The following IL1RAPL1 variants were observed in gnomAD, a reference collection of about 807,000 sequenced individuals.
The protein encoded by IL1RAPL1 is interleukin 1 receptor accessory protein like 1.
Under a neutral mutation model 48.4 loss-of-function variants are expected in IL1RAPL1, and 3 were observed. The ratio of observed to expected loss-of-function variants is 0.06; its 90% CI spans 0.03 to 0.16. The LOEUF (loss-of-function observed/expected upper bound fraction) is 0.16. IL1RAPL1 is among the 10% of genes least tolerant of loss of function. IL1RAPL1 has a pLI of 1.00. For synonymous variants in IL1RAPL1, 185 were observed against 187.7 expected, an observed-to-expected ratio of 0.99 and a Z score of 0.12; for missense variants, 349 against 530.6, an observed-to-expected ratio of 0.66 and a Z score of 3.36.
intron 5 of IL1RAPL1, among the ~76,000 whole-genome samples, chrX:29,610,000 G>C (rs1924038168): frequency 9.0e-6 from 1 of 111,422 alleles, no homozygotes; most frequent in Non-Finnish European, 1.9e-5. Flanking sequence ...GATTGGCAGA[G>C]CTTCAACCAC....
At chrX:29,484,004 T>TAA (rs144243686) in intron 5 of IL1RAPL1, among the ~76,000 whole-genome samples, 28 of 91,982 alleles carry the variant, frequency 3.0e-4, no homozygotes, top group African/African-American at 4.9e-4. Context: ...AGTAGTCCAT[T>TAA]AAAAAAAAAA....
chrX:29,924,257 T>C (rs1932868598), intron 8 of IL1RAPL1, among the ~76,000 whole-genome samples: 1 of 112,182 alleles, frequency 8.9e-6, no homozygotes, highest in Non-Finnish European at 1.9e-5. Flanking sequence ...GATGCAGCAA[T>C]TGTGTGTTCC....
intron 2 of IL1RAPL1, among the ~76,000 whole-genome samples, chrX:28,811,100 T>A (rs1383860081): frequency 9.0e-6 from 1 of 110,655 alleles, no homozygotes; most frequent in Non-Finnish European, 1.9e-5. Flanking sequence ...ACTATCCAAT[T>A]AAGTGTATCA....
At chrX:28,916,843 C>G (rs1172555745) in intron 2 of IL1RAPL1, among the ~76,000 whole-genome samples, 1 of 112,311 alleles carries the variant, frequency 8.9e-6, no homozygotes, top group Non-Finnish European at 1.9e-5. Context: ...AATCTGTGTG[C>G]TGCTCTGTTT....
intron 2 of IL1RAPL1, among the ~76,000 whole-genome samples, chrX:28,903,424 C>CTTTTTT (rs199661606): frequency 2.0e-5 from 2 of 100,138 alleles, no homozygotes; most frequent in Non-Finnish European, 2.0e-5. Flanking sequence ...TTCTTTCTTT[C>CTTTTTT]TTTTTTTTTT....
At chrX:29,803,020 CATATACATGTATGCATATATACATAT>C (rs1930039345) in intron 6 of IL1RAPL1, among the ~76,000 whole-genome samples, 3 of 49,277 alleles carry the variant, frequency 6.1e-5, no homozygotes, top group Non-Finnish European at 1.1e-4. Context: ...CATATGTGTA[CATATACATGTATGCATATATACATAT>C]ATGTGTACAT....
chrX:28,691,762 G>C (rs1935181068), intron 1 of IL1RAPL1, among the ~76,000 whole-genome samples: 1 of 110,778 alleles, frequency 9.0e-6, no homozygotes, highest in African/African-American at 3.3e-5. Flanking sequence ...GACAGGTCTG[G>C]TACTGAACAG....
chrX:28,941,381 AAAG>A (rs1924159966), intron 2 of IL1RAPL1, among the ~76,000 whole-genome samples: 1 of 111,066 alleles, frequency 9.0e-6, no homozygotes, highest in East Asian at 2.8e-4. Context: ...GGGTAAATAA[AAAG>A]AAATTTATGA....
chrX:29,087,385 C>T (rs888676888), intron 2 of IL1RAPL1, among the ~76,000 whole-genome samples: 1 of 110,528 alleles, frequency 9.0e-6, no homozygotes, highest in Non-Finnish European at 1.9e-5. Flanking sequence ...ATCTGCCCGC[C>T]TCGGCCTCCC....
chrX:29,329,660 A>G (rs1243436180), intron 3 of IL1RAPL1, among the ~76,000 whole-genome samples: 1 of 110,078 alleles, frequency 9.1e-6, no homozygotes, highest in Non-Finnish European at 1.9e-5. Flanking sequence ...TAAAAATACA[A>G]AAATTAGCCG....
intron 6 of IL1RAPL1, among the ~76,000 whole-genome samples, chrX:29,738,806 G>C (rs956952220): frequency 8.0e-5 from 9 of 112,115 alleles, no homozygotes; most frequent in African/African-American, 2.9e-4. Context: ...CGGGGAATTT[G>C]AACAGGGCTC....
chrX:29,707,080 A>G (rs1927218280), intron 6 of IL1RAPL1, among the ~76,000 whole-genome samples: 1 of 111,624 alleles, frequency 9.0e-6, no homozygotes, highest in African/African-American at 3.3e-5. Flanking sequence ...CAAAGAACTC[A>G]AACAAATCAG....
At chrX:29,700,489 C>T (rs753671496) in intron 6 of IL1RAPL1, among the ~76,000 whole-genome samples, 7 of 111,482 alleles carry the variant, frequency 6.3e-5, no homozygotes, top group Admixed American at 9.5e-5. Flanking sequence ...ATTATGTAAT[C>T]AATGGATGTG....
chrX:29,414,352 CTT>C (rs1934187247), intron 5 of IL1RAPL1, among the ~76,000 whole-genome samples: 1 of 111,804 alleles, frequency 8.9e-6, no homozygotes, highest in Admixed American at 9.5e-5. Flanking sequence ...TAACTTTTAT[CTT>C]ATATATCTTA....
At chrX:28,863,890 A>T (rs1922013987) in intron 2 of IL1RAPL1, among the ~76,000 whole-genome samples, 1 of 111,752 alleles carries the variant, frequency 8.9e-6, no homozygotes, top group African/African-American at 3.2e-5. Flanking sequence ...TTGGCTCATT[A>T]AACTGATATA....
chrX:29,886,495 G>A (rs188944703), intron 6 of IL1RAPL1, among the ~76,000 whole-genome samples: 56 of 111,929 alleles, frequency 5.0e-4, no homozygotes, highest in African/African-American at 1.5e-3. Context: ...TTCCCCTTAG[G>A]CATTGAATTA....
intron 6 of IL1RAPL1, among the ~76,000 whole-genome samples, chrX:29,846,950 T>C (rs1448360336): frequency 9.0e-6 from 1 of 110,825 alleles, no homozygotes; most frequent in Non-Finnish European, 1.9e-5. Context: ...TGCTCCTTCA[T>C]TTTGTGTATC....
At chrX:29,680,130 TA>T (rs760951557) in intron 6 of IL1RAPL1, among the ~76,000 whole-genome samples, 47 of 111,643 alleles carry the variant, frequency 4.2e-4, no homozygotes, top group Non-Finnish European at 8.1e-4. Context: ...TAATACTTCA[TA>T]GTTAGAGCTC....
chrX:28,992,818 G>A (rs756405448), intron 2 of IL1RAPL1, among the ~76,000 whole-genome samples: 1 of 112,071 alleles, frequency 8.9e-6, no homozygotes, highest in Non-Finnish European at 1.9e-5. Flanking sequence ...GAAACTAGAT[G>A]CTCAGGAAAT....
Sources: allele counts gnomAD v4.1 joint callset (sites outside exome capture counted in the v4.1 genomes callset), GRCh38; gene constraint gnomAD v4.1.1; transcripts MANE v1.5; gene names NCBI Gene and HGNC (gene_info 2026-07-23, HGNC 2026-07-21).